Variants in NDUFA10 observed in about 807,000 individuals in gnomAD.
NDUFA10 encodes the protein NADH:ubiquinone oxidoreductase subunit A10.
NDUFA10 carries 40 observed loss-of-function variants against 47.8 expected under a neutral mutation model. That is an observed-to-expected ratio of 0.84 (90% CI 0.65 to 1.09). The LOEUF is 1.09. NDUFA10 is among the 50% of genes least tolerant of loss of function. NDUFA10 has a pLI of 0.00. For synonymous variants in NDUFA10, 183 were observed against 172.2 expected (o/e 1.06, Z -0.49); for missense variants, 413 against 451.1 (o/e 0.92, Z 0.76).
intron 9 of NDUFA10, chr2:239,973,793 T>C: frequency 2.9e-6 from 1 of 348,726 alleles, no homozygotes; most frequent in Non-Finnish European, 5.8e-6. Context: ...ACATTCAGTA[T>C]TTTCATGAAC....
intron 8 of NDUFA10, among the ~76,000 whole-genome samples, chr2:239,999,711 C>G (rs148160000): frequency 1.7e-3 from 255 of 152,328 alleles, no homozygotes; most frequent in South Asian, 1.0e-3. Flanking sequence ...CTGTTTCCTA[C>G]GAGGAACCTG....
intron 4 of NDUFA10, among the ~76,000 whole-genome samples, chr2:239,940,034 G>A (rs1694336467): frequency 6.6e-6 from 1 of 152,262 alleles, no homozygotes; most frequent in Non-Finnish European, 1.5e-5. Flanking sequence ...GGTAGGCTCT[G>A]CTTCCCACCG....
rs1356110911 is a variant in NDUFA10 at position 239,982,080 on chromosome 2, TC to T, written c.999+7993del. 5.6e-6 allele frequency: 9 copies of T among 1,611,126 alleles called. No individual in the cohort carries two copies. The African/African-American group carries it at 1.1e-4, about 19-fold the overall frequency. ...TGGAATGTCCTCAAATGCTGTTTGC[TC>T]CCCTGCAGCAAACCAGTGACCTGAC... On this transcript the variant is annotated intron_variant, in intron 9 of 9. Transcript: ENST00000252711.
chr2:239,952,857 C>T (rs1325446606), downstream of NDUFA10, among the ~76,000 whole-genome samples: 1 of 152,236 alleles, frequency 6.6e-6, no homozygotes, highest in Non-Finnish European at 1.5e-5. Flanking sequence ...ACGCAAGGCA[C>T]AGCTGCCGAC....
chr2:239,963,407 A>G (rs1694934424), intron 9 of NDUFA10, among the ~76,000 whole-genome samples: 1 of 152,134 alleles, frequency 6.6e-6, no homozygotes, highest in African/African-American at 2.4e-5. Flanking sequence ...GGAAGACCGC[A>G]AGAGAGGGAC....
chr2:239,980,229 T>C (rs1695714809), intron 9 of NDUFA10, among the ~76,000 whole-genome samples: 1 of 152,200 alleles, frequency 6.6e-6, no homozygotes, highest in East Asian at 1.9e-4. Context: ...CCTGGCACGA[T>C]AAAGATCTAA....
At chr2:239,962,093 C>G (rs1005062493) in intron 9 of NDUFA10, among the ~76,000 whole-genome samples, 1 of 152,172 alleles carries the variant, frequency 6.6e-6, no homozygotes, top group Non-Finnish European at 1.5e-5. Context: ...AGGACCACCT[C>G]GTTGCGGAGC....
intron 4 of NDUFA10, among the ~76,000 whole-genome samples, chr2:239,932,208 A>G (rs1444574781): frequency 6.6e-6 from 1 of 152,150 alleles, no homozygotes; most frequent in African/African-American, 2.4e-5. Context: ...ATTTTGCGAA[A>G]AAATGGGAAA....
Position 240,016,948 on chromosome 2 carries a change from AG to A in NDUFA10, c.547+1604del, listed in dbSNP as rs531693569. 1.6e-3 allele frequency among the ~76,000 whole-genome samples: 237 copies of A among 152,186 alleles called. No homozygotes were observed. The highest frequency in any genetic ancestry group is 5.4e-3 in the African/African-American group (226 of 41,512). On this transcript the variant is annotated intron_variant, in intron 4 of 9. Coordinates refer to ENST00000252711, the MANE Select transcript of NDUFA10 (RefSeq NM_004544.4). The surrounding 1 kb of genome is among the most constrained non-coding windows in gnomAD (Gnocchi z 4.4). ...CTTCCCCCTTAGCGGCCCACTAGCCAGGGCAGGTCCACGCCACTCCCCACTG... is the reference window on the plus strand; with the variant it reads ...CTTCCCCCTTAGCGGCCCACTAGCCAGGCAGGTCCACGCCACTCCCCACTG...
At chr2:239,966,648 AAACT>A (rs1695073223) in intron 9 of NDUFA10, among the ~76,000 whole-genome samples, 1 of 151,888 alleles carries the variant, frequency 6.6e-6, no homozygotes, top group Non-Finnish European at 1.5e-5. Context: ...TGCTTAATGT[AAACT>A]AACATGATGA....
Position 239,959,378 on chromosome 2 carries a change from C to G in NDUFA10, c.*1740G>C, listed in dbSNP as rs1694754139. 1.0e-6 allele frequency: 1 copy of G among 985,370 alleles called. No individual in the cohort carries two copies. The highest frequency in any genetic ancestry group is 1.2e-6 in the Non-Finnish European group (1 of 829,970). 61.0% of individuals were successfully genotyped at this position (985,370 alleles called of 1,614,324 possible). ...GAAGGAAACAGCTAGCTCTTTGCAGCCAAAGACATTAGGAACAGCTAAGAT... is the reference window on the plus strand; with the variant it reads ...GAAGGAAACAGCTAGCTCTTTGCAGGCAAAGACATTAGGAACAGCTAAGAT... On this transcript the variant is annotated 3_prime_UTR_variant, in exon 10 of 10. Transcript: ENST00000252711.
intron 9 of NDUFA10, chr2:239,983,534 A>G: frequency 1.2e-6 from 2 of 1,602,588 alleles, no homozygotes; most frequent in South Asian, 1.1e-5. Flanking sequence ...AGGAACATAA[A>G]GGCTGTGGTG....
intron 9 of NDUFA10, among the ~76,000 whole-genome samples, chr2:239,964,502 C>G (rs987593427): frequency 6.6e-6 from 1 of 152,172 alleles, no homozygotes; most frequent in Non-Finnish European, 1.5e-5. Flanking sequence ...CTGGCAGCAG[C>G]AGCAGCAGAC....
At chr2:239,908,607 A>G (rs1693697101) in intron 4 of NDUFA10, among the ~76,000 whole-genome samples, 1 of 152,248 alleles carries the variant, frequency 6.6e-6, no homozygotes, top group African/African-American at 2.4e-5. Flanking sequence ...CCTTTAATTC[A>G]GCAAACCTTA....
intron 9 of NDUFA10, among the ~76,000 whole-genome samples, chr2:239,971,619 C>G (rs1695308390): frequency 6.6e-6 from 1 of 152,190 alleles, no homozygotes; most frequent in Non-Finnish European, 1.5e-5. Flanking sequence ...AAGGAAGGCA[C>G]AGTCTCTGTT....
Position 239,958,366 on chromosome 2 carries a change from T to C in NDUFA10, c.*2752A>G, listed in dbSNP as rs1424184690. 1 of 152,182 alleles carries C rather than the reference T, an allele frequency of 6.6e-6. No homozygotes were observed. Among genetic ancestry groups the C allele is most frequent in the Non-Finnish European group, 1.5e-5 (1 of 68,026 alleles). 9.4% of individuals were successfully genotyped at this position (152,182 alleles called of 1,614,324 possible). ...AATTGGTAAGCAGGGCACAGAGAAATTCAAAGCCAATTATTAGCCAAAAAA... is the reference window on the plus strand; with the variant it reads ...AATTGGTAAGCAGGGCACAGAGAAACTCAAAGCCAATTATTAGCCAAAAAA... On this transcript the variant is annotated 3_prime_UTR_variant, in exon 10 of 10. Coordinates refer to ENST00000252711, the MANE Select transcript of NDUFA10 (RefSeq NM_004544.4).
intron 4 of NDUFA10, among the ~76,000 whole-genome samples, chr2:239,919,886 G>C (rs13427218): frequency 0.22 from 34,127 of 152,120 alleles, 5,346 homozygotes; most frequent in African/African-American, 0.45. Context: ...GGCCGCCCAG[G>C]TCTGCCATAG....
chr2:239,967,290 T>C (rs1452952244), intron 9 of NDUFA10, among the ~76,000 whole-genome samples: 1 of 152,222 alleles, frequency 6.6e-6, no homozygotes, highest in Non-Finnish European at 1.5e-5. Flanking sequence ...CTTGGCCTTT[T>C]ACTGCCTCAT....
At chr2:240,024,333 T>G (rs542615457) in intron 1 of NDUFA10, among the ~76,000 whole-genome samples, 1 of 152,214 alleles carries the variant, frequency 6.6e-6, no homozygotes, top group African/African-American at 2.4e-5. Context: ...GAATCTTACA[T>G]AGATATTTCC....
Sources: allele counts gnomAD v4.1 joint callset (sites outside exome capture counted in the v4.1 genomes callset), GRCh38; gene constraint gnomAD v4.1.1; non-coding constraint Gnocchi (gnomAD v3.1); transcripts MANE v1.5; gene names NCBI Gene and HGNC (gene_info 2026-07-23, HGNC 2026-07-21).